WDR87: variants seen among roughly 807,000 people sequenced by gnomAD.
WDR87 encodes WD repeat domain 87.
A neutral mutation model predicts 83.3 loss-of-function variants in WDR87; 56 were observed. That is an observed-to-expected ratio of 0.67 (90% CI 0.54 to 0.84). WDR87 has a LOEUF of 0.84. Ranked by LOEUF, WDR87 falls within the 40% of genes least tolerant of loss-of-function variation. The pLI, the probability that WDR87 is intolerant of heterozygous loss-of-function variation, is 0.00. For synonymous variants in WDR87, 1,173 were observed against 1,250.6 expected, an observed-to-expected ratio of 0.94 and a Z score of 1.31; for missense variants, 2,939 against 3,431.9, an observed-to-expected ratio of 0.86 and a Z score of 3.59.
Position 37,888,239 on chromosome 19 carries a change from TGGG to T in WDR87, c.5429_5431del (p.Ala1810_Gln1811delinsGlu). On this transcript the variant is annotated inframe_deletion, in exon 6 of 6. Transcript: ENST00000447313. ...TTCCTGGATCAGCAACTCTTCTTCCTGGGCCAGTTTTGTCTCTTCTTCAGACAG... is the reference window on the plus strand; with the variant it reads ...TTCCTGGATCAGCAACTCTTCTTCCTCCAGTTTTGTCTCTTCTTCAGACAG... 1 of 1,552,222 alleles carries T rather than the reference TGGG, an allele frequency of 6.4e-7. No homozygotes were observed. The highest frequency in any genetic ancestry group is 8.7e-7 in the Non-Finnish European group (1 of 1,147,118).
chr19:37,891,841 G>A (rs1170931225), intron 4 of WDR87, 21 bp from the exon 5 acceptor site: 4 of 1,549,512 alleles, frequency 2.6e-6, no homozygotes, highest in Non-Finnish European at 3.5e-6. Context: ...CAAAGGAGAA[G>A]AAGGACTATG....
At position 37,885,863 on chromosome 19, in the gene WDR87, C is replaced by T. The variant is rs1365721484; in HGVS notation, c.7808G>A (p.Trp2603Ter). 2 of 1,552,014 alleles carry T rather than the reference C, an allele frequency of 1.3e-6. No homozygotes were observed. Among genetic ancestry groups the T allele is most frequent in the Non-Finnish European group, 1.7e-6 (2 of 1,147,090 alleles). Residue 2603 changes from tryptophan to a stop codon, truncating the protein, a stop_gained, in exon 6 of 6, where the codon TGG (tryptophan) becomes TAG (stop). Coordinates refer to ENST00000447313, the MANE Select transcript of WDR87 (RefSeq NM_001291088.2). LOFTEE classifies it low-confidence loss of function (END_TRUNC). ...KDLASKGNLE[W>*]LHLAKHEAIV... ...GGCTTCATGTTTGGCCAGATGCAGC[C>T]ATTCTAAGTTTCCCTTTGAGGCAAG... is the stretch of plus-strand genomic sequence containing the variant.
chr19:37,894,813 G>T lies in WDR87; in HGVS notation c.890C>A (p.Thr297Asn). ...GCTGTCACTACCAGCTGTTAGCAGGGTGTGGGCCTCTGGTCGGCTGCGGAT... is the reference window on the plus strand; with the variant it reads ...GCTGTCACTACCAGCTGTTAGCAGGTTGTGGGCCTCTGGTCGGCTGCGGAT... ...ICIRSRPEAH[T>N]LLTAGSDSLI... Residue 297 changes from threonine (T) to asparagine (N), a missense_variant, in exon 4 of 6, where the codon ACC becomes AAC. Physicochemically the swap from Thr to Asn is moderately conservative, Grantham distance 65. Transcript: ENST00000447313. 1 of 1,551,726 alleles carries T rather than the reference G, an allele frequency of 6.4e-7. No homozygotes were observed.
In WDR87 at chr19:37,889,646, T is replaced by G. The variant is rs1204414210; in HGVS notation, c.4025A>C (p.Glu1342Ala). The G allele has an allele frequency of 6.4e-7, 1 of 1,551,912 alleles. No individual in the cohort carries two copies. Among genetic ancestry groups the G allele is most frequent in the Non-Finnish European group, 8.7e-7 (1 of 1,147,052 alleles). The change falls in exon 6 of 6, where the codon GAG (glutamate) becomes GCG (alanine). Residue 1342 changes from glutamate to alanine, a missense_variant. Glu to Ala is a moderately radical substitution (Grantham distance 107). This residue lies in a region of WDR87 where 2,160 missense variants were observed against 2,533.1 expected (regional missense o/e 0.85). Transcript: ENST00000447313. ...LLKKESKVLL[E>A]DLDWDVVPPE... Reference sequence around the variant, plus strand: ...CGGGACTACATCCCAATCAAGGTCCTCAAGCAGAACCTTACTTTCTTTCTT... The same window carrying G: ...CGGGACTACATCCCAATCAAGGTCCGCAAGCAGAACCTTACTTTCTTTCTT...
At chr19:37,898,983 T>A (rs1477048276) in intron 1 of WDR87, among the ~76,000 whole-genome samples, 1 of 152,218 alleles carries the variant, frequency 6.6e-6, no homozygotes, top group South Asian at 2.1e-4. Flanking sequence ...CAATTGGAAA[T>A]TCTGAGATTA....
Position 37,893,650 on chromosome 19 carries a change from G to A in WDR87, c.2053C>T (p.Arg685Cys), listed in dbSNP as rs765818748. Residue 685 changes from arginine (R) to cysteine (C), a missense_variant, in exon 4 of 6, where the codon CGC becomes TGC. Arg to Cys is a radical substitution (Grantham distance 180). Transcript: ENST00000447313. ...TCTGATATGCTCATAAAGGAAAGGC[G>A]AGTCAGCAGGGCTGGGGGAAGCAAT... The part of the protein sequence containing the change: ...LKLLPPALLT[R>C]LSFMSISDEV... 13 of 1,552,066 alleles carry A rather than the reference G, an allele frequency of 8.4e-6. No homozygotes were observed. The highest frequency in any genetic ancestry group is 9.6e-6 in the Non-Finnish European group (11 of 1,147,102).
intron 1 of WDR87, among the ~76,000 whole-genome samples, chr19:37,905,460 A>AG (rs2046319620): frequency 1.7e-5 from 2 of 117,752 alleles, no homozygotes; most frequent in South Asian, 2.6e-4. Context: ...CAAGAAAAAA[A>AG]AAAGTAAATA....
chr19:37,898,522 G>A (rs2046273112), intron 1 of WDR87, among the ~76,000 whole-genome samples: 1 of 152,202 alleles, frequency 6.6e-6, no homozygotes, highest in Non-Finnish European at 1.5e-5. Context: ...ATCTTAGCGT[G>A]TTCCTGTCGT....
rs1296282978 is a variant in WDR87 at position 37,885,246 on chromosome 19, T to A, written c.8425A>T (p.Lys2809Ter). ...CTCATTAGCAGCTCCTGAAGCAGCT[T>A]CTGGATTCTGGGGGACTTAAGTTGG... ...LYQLKSPRIQ[K>*]LLQELLMREE... The change falls in exon 6 of 6, where the codon AAG becomes TAG. Residue 2809 changes from lysine to a stop codon, truncating the protein, a stop_gained. Transcript: ENST00000447313. LOFTEE classifies it low-confidence loss of function (END_TRUNC). 2 of 1,514,144 alleles carry A rather than the reference T, an allele frequency of 1.3e-6. No homozygotes were observed. Among genetic ancestry groups the A allele is most frequent in the African/African-American group, 1.4e-5 (1 of 71,292 alleles). The allele number at this position is 1,514,144 out of a possible 1,614,324, so 93.8% of individuals were successfully genotyped here. A position where few individuals can be genotyped will look rare whatever the true frequency, so the allele number is the denominator to read the frequency against.
Position 37,893,182 on chromosome 19 carries a change from A to G in WDR87, c.2521T>C (p.Tyr841His). Reference protein sequence around the residue: ...ARLWPEGTPIYLQCNLHAPQR... With the variant: ...ARLWPEGTPIHLQCNLHAPQR... ...GGTGCATGCAGGTTGCACTGTAGGTATATTGGGGTGCCCTCTGGCCAAAGA... is the reference window on the plus strand; with the variant it reads ...GGTGCATGCAGGTTGCACTGTAGGTGTATTGGGGTGCCCTCTGGCCAAAGA... The change falls in exon 4 of 6, where the codon TAC becomes CAC. Residue 841 changes from tyrosine (Y) to histidine (H), a missense_variant. This residue lies in a region of WDR87 where 2,160 missense variants were observed against 2,533.1 expected (regional missense o/e 0.85). Transcript: ENST00000447313. 1 of 1,551,934 alleles carries G rather than the reference A, an allele frequency of 6.4e-7. No individual in the cohort carries two copies.
rs1406462889 is a variant in WDR87 at position 37,891,725 on chromosome 19, T to C, written c.3221A>G (p.Asn1074Ser). The C allele has an allele frequency of 1.9e-6, 3 of 1,552,078 alleles. No individual in the cohort carries two copies. The highest frequency in any genetic ancestry group is 4.9e-5 in the East Asian group (2 of 40,930). ...ILSTQVEQRL[N>S]ENLTLSHRDE... ...TCTATGTGACAGGGTCAGGTTTTCA[T>C]TCAATCTCTGCTCCACTTGAGTGGA... Residue 1074 changes from asparagine (N) to serine (S), a missense_variant, in exon 5 of 6, where the codon AAT becomes AGT. Asn to Ser is a conservative substitution (Grantham distance 46, BLOSUM62 1). Around this residue, in one of 3 missense-constraint regions of WDR87, gnomAD observed 2,160 missense variants for 2,533.1 expected, o/e 0.85. Coordinates refer to ENST00000447313, the MANE Select transcript of WDR87 (RefSeq NM_001291088.2).
intron 5 of WDR87, 31 bp from the exon 6 acceptor site, chr19:37,890,307 C>A: frequency 6.7e-7 from 1 of 1,493,066 alleles, no homozygotes. Flanking sequence ...TGGAGGTAAG[C>A]AAAGTATGGG....
In WDR87 at chr19:37,886,781, TCC is replaced by T; in HGVS notation, c.6888_6889del (p.Glu2297GlyfsTer49). On this transcript the variant is annotated frameshift_variant, in exon 6 of 6. Transcript: ENST00000447313. LOFTEE classifies it low-confidence loss of function (END_TRUNC). ...CTCCTCCTCCCTTTCCTCCTCCTCC[TCC>T]CTTTCCTCTTCTTCCTCCCTTTCCT... The T allele has an allele frequency of 6.6e-7, 1 of 1,519,544 alleles. No individual in the cohort carries two copies. Among genetic ancestry groups the T allele is most frequent in the African/African-American group, 1.4e-5 (1 of 71,920 alleles). The allele number at this position is 1,519,544 out of a possible 1,614,324, so 94.1% of individuals were successfully genotyped here. A position where few individuals can be genotyped will look rare whatever the true frequency, so the allele number is the denominator to read the frequency against.
At position 37,885,275 on chromosome 19, in the gene WDR87, A is replaced by C; in HGVS notation, c.8396T>G (p.Leu2799Arg). The C allele has an allele frequency of 3.2e-6, 5 of 1,538,984 alleles. No homozygotes were observed. The highest frequency in any genetic ancestry group is 4.4e-6 in the Non-Finnish European group (5 of 1,141,570). Residue 2799 changes from leucine to arginine, a missense_variant, in exon 6 of 6, where the codon CTG (leucine) becomes CGG (arginine). Physicochemically the swap from Leu to Arg is moderately radical, Grantham distance 102. This residue lies in a region of WDR87 where 2,160 missense variants were observed against 2,533.1 expected (regional missense o/e 0.85). Transcript: ENST00000447313. ...WMEQFYQLMD[L>R]YQLKSPRIQK... ...GATTCTGGGGGACTTAAGTTGGTAC[A>C]GGTCCATGAGCTGGTAGAACTGTTC...
chr19:37,899,565 C>T (rs983360162), intron 1 of WDR87, among the ~76,000 whole-genome samples: 4 of 152,088 alleles, frequency 2.6e-5, no homozygotes, highest in African/African-American at 9.7e-5. Context: ...CAGCCTCCCA[C>T]ATGCTAGGAC....
chr19:37,892,615 G>C lies in WDR87; in HGVS notation c.3088C>G (p.Gln1030Glu), dbSNP rs1394084203. Residue 1030 changes from glutamine to glutamate, a missense_variant, in exon 4 of 6, where the codon CAG becomes GAG. This residue lies in a region of WDR87 where 2,160 missense variants were observed against 2,533.1 expected (regional missense o/e 0.85). Transcript: ENST00000447313. ...IGIHSRTSLL[Q>E]LTQKQETFRE... ...AAAGTCTCTTGTTTTTGGGTCAGCT[G>C]TAAGAGTGAGGTCCTAGAGTGGATT... 7 of 1,523,114 alleles carry C rather than the reference G, an allele frequency of 4.6e-6. No homozygotes were observed. Among genetic ancestry groups the C allele is most frequent in the Non-Finnish European group, 6.2e-6 (7 of 1,128,308 alleles). The allele number at this position is 1,523,114 out of a possible 1,614,324, so 94.3% of individuals were successfully genotyped here.
chr19:37,891,438 A>C lies in WDR87; in HGVS notation c.3394+114T>G, dbSNP rs2046204184. On this transcript the variant is annotated intron_variant, in intron 5 of 5. Coordinates refer to ENST00000447313, the MANE Select transcript of WDR87 (RefSeq NM_001291088.2). ...CTCAGCGTCCCAGTGCTGGAATTACAGGCATGAGCCATCATGTCCCGCCAG... is the reference window on the plus strand; with the variant it reads ...CTCAGCGTCCCAGTGCTGGAATTACCGGCATGAGCCATCATGTCCCGCCAG... The C allele has an allele frequency of 6.0e-6, 8 of 1,334,286 alleles. No individual in the cohort carries two copies. The East Asian group carries it at 2.0e-4, about 34-fold the overall frequency. 82.7% of individuals were successfully genotyped at this position (1,334,286 alleles called of 1,614,324 possible).
At chr19:37,890,418 T>G in intron 5 of WDR87, 142 bp from the exon 6 acceptor site, 1 of 1,074,556 alleles carries the variant, frequency 9.3e-7, no homozygotes, top group Non-Finnish European at 1.2e-6. Context: ...AAAAAAAGCA[T>G]TCTCTTTGCT....
rs758520294 is a variant in WDR87, at chr19:37,890,060, A to T, written c.3611T>A (p.Ile1204Asn). The T allele has an allele frequency of 6.4e-7, 1 of 1,551,790 alleles. No individual in the cohort carries two copies. The highest frequency in any genetic ancestry group is 2.4e-5 in the East Asian group (1 of 40,928). Residue 1204 changes from isoleucine to asparagine, a missense_variant, in exon 6 of 6, where the codon ATT becomes AAT. Ile to Asn is a moderately radical substitution (Grantham distance 149). Transcript: ENST00000447313. ...SQEKDISKDH[I>N]ALTLKRLQKI... Reference sequence around the variant, plus strand: ...CTGCAGCCTCTTCAGGGTCAATGCAATGTGATCCTTCGAGATATCTTTCTC... The same window carrying T: ...CTGCAGCCTCTTCAGGGTCAATGCATTGTGATCCTTCGAGATATCTTTCTC...
Sources: allele counts gnomAD v4.1 joint callset (sites outside exome capture counted in the v4.1 genomes callset), GRCh38; gene constraint gnomAD v4.1.1; regional missense constraint gnomAD v4.1.1; transcripts MANE v1.5; gene names NCBI Gene and HGNC (gene_info 2026-07-23, HGNC 2026-07-21).